RAPH1: variants seen among roughly 807,000 people sequenced by gnomAD.
RAPH1 encodes the protein ras-associated and pleckstrin homology domains-containing protein 1.
RAPH1 carries 18 observed loss-of-function variants against 88.1 expected under a neutral mutation model. The observed-to-expected ratio is 0.20, with a 90% CI of 0.14 to 0.30. RAPH1 has a LOEUF of 0.30. RAPH1 is among the 10% of genes least tolerant of loss of function. RAPH1 has a pLI of 1.00. For synonymous variants in RAPH1, 587 were observed against 559.0 expected (o/e 1.05, Z -0.71); for missense variants, 1,448 against 1,543.2 (o/e 0.94, Z 1.03).
At chr2:203,499,907 C>A (rs1486873398) in intron 1 of RAPH1, among the ~76,000 whole-genome samples, 1 of 152,190 alleles carries the variant, frequency 6.6e-6, no homozygotes, top group Non-Finnish European at 1.5e-5. Context: ...TGCCCCCAGA[C>A]ATTTTCTTAT....
At chr2:203,526,942 C>G (rs932841458) in intron 1 of RAPH1, among the ~76,000 whole-genome samples, 1 of 151,932 alleles carries the variant, frequency 6.6e-6, no homozygotes, top group Non-Finnish European at 1.5e-5. Flanking sequence ...TGCCACCACA[C>G]CCAGCTAATT....
chr2:203,480,324 G>A (rs1020391148), intron 4 of RAPH1, among the ~76,000 whole-genome samples: 29 of 152,306 alleles, frequency 1.9e-4, no homozygotes, highest in Admixed American at 7.8e-4. Context: ...CCAGGCGGGT[G>A]AATCACTTGA....
At chr2:203,481,101 A>C (rs990469499) in intron 4 of RAPH1, among the ~76,000 whole-genome samples, 1 of 152,172 alleles carries the variant, frequency 6.6e-6, no homozygotes, top group Non-Finnish European at 1.5e-5. Flanking sequence ...AAAATACAAA[A>C]ACACCACAAG....
chr2:203,469,525 A>C (rs1407910132), intron 4 of RAPH1, among the ~76,000 whole-genome samples: 2 of 152,228 alleles, frequency 1.3e-5, no homozygotes, highest in Non-Finnish European at 2.9e-5. Flanking sequence ...CCATAACTGT[A>C]TATTTTTCAG....
rs184224952 is a variant in RAPH1, at chr2:203,526,465, C to T, written c.-1+8646G>A. Among the ~76,000 whole-genome samples, 55 of 152,218 alleles carry T rather than the reference C, an allele frequency of 3.6e-4. 1 individual carries two copies. Among genetic ancestry groups the T allele is most frequent in the Admixed American group, 3.1e-3 (48 of 15,288 alleles). On this transcript the variant is annotated intron_variant, in intron 1 of 13. Coordinates refer to ENST00000319170, the MANE Select transcript of RAPH1 (RefSeq NM_213589.3). The stretch of plus-strand genomic sequence containing the variant: ...ACTGGCCAGGCGAGATGGCTCAGGC[C>T]TGTAATCCCAGCACTTTGCGAGGCC...
chr2:203,529,820 G>C lies in RAPH1; in HGVS notation c.-1+5291C>G, dbSNP rs566380559. Among the ~76,000 whole-genome samples, 4 of 152,278 alleles carry C rather than the reference G, an allele frequency of 2.6e-5. No individual in the cohort carries two copies. In the East Asian group the frequency reaches 7.7e-4, roughly 29 times the overall value. On this transcript the variant is annotated intron_variant, in intron 1 of 13. Transcript: ENST00000319170. ...CATAATGGTAAATCCTTGGCTTCCTGATCTTGTTTTTCTTCTCATCTAAAG... is the reference window on the plus strand; with the variant it reads ...CATAATGGTAAATCCTTGGCTTCCTCATCTTGTTTTTCTTCTCATCTAAAG...
rs149852656 is a variant in RAPH1 at position 203,444,930 on chromosome 2, T to A, written c.1714A>T (p.Ile572Phe). The A allele has an allele frequency of 1.6e-4, 257 of 1,614,054 alleles. No individual in the cohort carries two copies. Among genetic ancestry groups the A allele is most frequent in the Non-Finnish European group, 2.1e-4 (250 of 1,180,024 alleles). The stretch of plus-strand genomic sequence containing the variant: ...GCTTCAGAGAATACGGAGCTCACAA[T>A]GCTCTGGGAACGGACGTGTCCTGCT... Reference protein sequence around the residue: ...QPAGHVRSQSIVSSVFSEAWK... With the variant: ...QPAGHVRSQSFVSSVFSEAWK... The change falls in exon 13 of 14, where the codon ATT becomes TTT. Residue 572 changes from isoleucine (I) to phenylalanine (F), a missense_variant. By Grantham distance (21) the Ile-to-Phe change is conservative (BLOSUM62 0). This residue lies in a region of RAPH1 where 935 missense variants were observed against 890.1 expected (regional missense o/e 1.05). Coordinates refer to ENST00000319170, the MANE Select transcript of RAPH1 (RefSeq NM_213589.3).
chr2:203,475,651 A>C (rs954347237), intron 4 of RAPH1, among the ~76,000 whole-genome samples: 2 of 151,540 alleles, frequency 1.3e-5, no homozygotes, highest in Non-Finnish European at 2.9e-5. Flanking sequence ...CCTTTTTCTC[A>C]TAGTATATAC....
intron 4 of RAPH1, among the ~76,000 whole-genome samples, chr2:203,473,273 G>A (rs149015472): frequency 7.7e-4 from 117 of 152,158 alleles, no homozygotes; most frequent in Middle Eastern, 3.4e-3. Context: ...GCAACAGAGC[G>A]AGACCCTGTC....
chr2:203,440,785 G>A lies in RAPH1; in HGVS notation c.2405C>T (p.Ala802Val), dbSNP rs1485388990. The A allele has an allele frequency of 6.2e-7, 1 of 1,610,418 alleles. No homozygotes were observed. Residue 802 changes from alanine (A) to valine (V), a missense_variant, in exon 14 of 14, where the codon GCA (alanine) becomes GTA (valine). Around this residue, in one of 2 missense-constraint regions of RAPH1, gnomAD observed 935 missense variants for 890.1 expected, o/e 1.05. Transcript: ENST00000319170. ...CACTGGAGGAGTAGGTGTGGGTGGT[G>A]CAGCTTGAGTCACAACAGGTGCCAC... ...KTVAPVVTQA[A>V]PPTPTPPVPP...
intron 13 of RAPH1, chr2:203,442,029 A>G: frequency 6.4e-7 from 1 of 1,571,960 alleles, no homozygotes. Context: ...TCCAACATGC[A>G]CAGAAGTCCA....
intron 9 of RAPH1, 43 bp from the exon 10 acceptor site, chr2:203,454,583 C>CA: frequency 7.2e-7 from 1 of 1,395,076 alleles, no homozygotes; most frequent in Non-Finnish European, 1.0e-6. Flanking sequence ...TAATAATGCA[C>CA]AAACAAGCAA....
At chr2:203,513,396 C>T (rs1689450808) in intron 1 of RAPH1, among the ~76,000 whole-genome samples, 2 of 133,066 alleles carry the variant, frequency 1.5e-5, no homozygotes, top group South Asian at 5.0e-4. Context: ...GCTCTGTCGG[C>T]CAGGCTGAAG....
chr2:203,512,148 A>G (rs1403829882), intron 1 of RAPH1, among the ~76,000 whole-genome samples: 1 of 151,572 alleles, frequency 6.6e-6, no homozygotes, highest in Non-Finnish European at 1.5e-5. Flanking sequence ...AATATGGGCC[A>G]GGGGTGGTGG....
chr2:203,505,821 T>C (rs1688962204), intron 1 of RAPH1, among the ~76,000 whole-genome samples: 1 of 152,318 alleles, frequency 6.6e-6, no homozygotes, highest in South Asian at 2.1e-4. Flanking sequence ...AGCAAATGAA[T>C]AGTTACTATA....
intron 1 of RAPH1, among the ~76,000 whole-genome samples, chr2:203,530,486 C>G (rs1675905610): frequency 1.3e-5 from 2 of 152,236 alleles, no homozygotes; most frequent in South Asian, 4.2e-4. Context: ...ATACACTGAT[C>G]CAAATGTTTT....
chr2:203,454,471 TC>T lies in RAPH1; in HGVS notation c.1371del (p.Asn458ThrfsTer13). 1 of 1,613,712 alleles carries T rather than the reference TC, an allele frequency of 6.2e-7. No homozygotes were observed. Among genetic ancestry groups the T allele is most frequent in the Non-Finnish European group, 8.5e-7 (1 of 1,179,868 alleles). ...TAGTCTGTAGGTGCTTTGTATTTGT[TC>T]CGATAGTCCTGGCCATAATAAACGT... Reference protein sequence around the residue: ...HVNVYYGQDYRNKYKAPTDYC... With the variant: ...HVNVYYGQDYXNKYKAPTDYC... On this transcript the variant is annotated frameshift_variant, in exon 10 of 14. Transcript: ENST00000319170. LOFTEE classifies it high-confidence loss of function.
At chr2:203,491,780 T>C (rs575714441) in intron 2 of RAPH1, among the ~76,000 whole-genome samples, 1 of 152,328 alleles carries the variant, frequency 6.6e-6, no homozygotes, top group African/African-American at 2.4e-5. Context: ...AGTGTTGAGA[T>C]TACAGGCGTG....
intron 1 of RAPH1, among the ~76,000 whole-genome samples, chr2:203,506,770 CTATATATATCTAGA>C (rs1416957883): frequency 1.0e-5 from 1 of 99,064 alleles, no homozygotes; most frequent in African/African-American, 5.0e-5. Context: ...ATATATATAT[CTATATATATCTAGA>C]TATATATATC....
Sources: allele counts gnomAD v4.1 joint callset (sites outside exome capture counted in the v4.1 genomes callset), GRCh38; gene constraint gnomAD v4.1.1; regional missense constraint gnomAD v4.1.1; transcripts MANE v1.5; gene names NCBI Gene and HGNC (gene_info 2026-07-23, HGNC 2026-07-21).